Variants in PPM1G observed in about 807,000 individuals in gnomAD.
PPM1G encodes protein phosphatase, Mg2+/Mn2+ dependent 1G.
PPM1G carries 12 observed loss-of-function variants against 59.4 expected under a neutral mutation model. The ratio of observed to expected loss-of-function variants is 0.20; its 90% CI spans 0.13 to 0.33. The LOEUF (loss-of-function observed/expected upper bound fraction) is 0.33. PPM1G is among the 10% of genes least tolerant of loss of function. The pLI is 1.00. For missense variants in PPM1G, 392 were observed against 681.3 expected (o/e 0.58, Z 4.73); for synonymous variants, 245 against 251.9 (o/e 0.97, Z 0.26).
At chr2:27,395,122 T>G (rs1293434947) in intron 1 of PPM1G, among the ~76,000 whole-genome samples, 1 of 128,558 alleles carries the variant, frequency 7.8e-6, no homozygotes, top group African/African-American at 3.5e-5. Context: ...TCCCAGCTAC[T>G]TGGGAGGCTG....
chr2:27,389,031 G>C (rs1399765559), intron 1 of PPM1G, among the ~76,000 whole-genome samples: 1 of 152,006 alleles, frequency 6.6e-6, no homozygotes, highest in Non-Finnish European at 1.5e-5. Flanking sequence ...TTCTGAATAA[G>C]GACAACAAAC....
In PPM1G at chr2:27,382,026, T is replaced by C; in HGVS notation, c.1434+100A>G. On this transcript the variant is annotated intron_variant, in intron 9 of 9. Transcript: ENST00000344034. The surrounding 1 kb of genome is among the most constrained non-coding windows in gnomAD (Gnocchi z 4.2). ...GTCGGGGTTTAGCGTCTGTCAGCAATTACTGATAATGCTCCCAGATTGCCG... is the reference window on the plus strand; with the variant it reads ...GTCGGGGTTTAGCGTCTGTCAGCAACTACTGATAATGCTCCCAGATTGCCG... 8.1e-7 allele frequency: 1 copy of C among 1,238,738 alleles called. No homozygotes were observed. Among genetic ancestry groups the C allele is most frequent in the South Asian group, 1.2e-5 (1 of 80,076 alleles). The allele number at this position is 1,238,738 out of a possible 1,614,324, so 76.7% of individuals were successfully genotyped here. A position where few individuals can be genotyped will look rare whatever the true frequency, so the allele number is the denominator to read the frequency against.
chr2:27,383,836 T>G lies in PPM1G; in HGVS notation c.966+116A>C. ...ATTCCCCTTGCAGAATAAATCCCCA[T>G]GACTATTACTTCCATCCTAAAGTAT... On this transcript the variant is annotated intron_variant, in intron 6 of 9. Transcript: ENST00000344034. The surrounding 1 kb of genome is among the most constrained non-coding windows in gnomAD (Gnocchi z 5.0). The G allele has an allele frequency of 2.1e-6, 3 of 1,443,314 alleles. No individual in the cohort carries two copies. Among genetic ancestry groups the G allele is most frequent in the Non-Finnish European group, 2.8e-6 (3 of 1,072,876 alleles). The allele number at this position is 1,443,314 out of a possible 1,614,324, so 89.4% of individuals were successfully genotyped here. A position where few individuals can be genotyped will look rare whatever the true frequency, so the allele number is the denominator to read the frequency against.
chr2:27,400,891 G>C (rs1684164831), intron 1 of PPM1G, among the ~76,000 whole-genome samples: 2 of 152,190 alleles, frequency 1.3e-5, no homozygotes, highest in South Asian at 4.1e-4. Flanking sequence ...ACTGGAGCCT[G>C]AACCATCCTG....
chr2:27,387,801 TTTA>T (rs1417712283), intron 1 of PPM1G, among the ~76,000 whole-genome samples: 2 of 151,890 alleles, frequency 1.3e-5, no homozygotes, highest in Non-Finnish European at 2.9e-5. Context: ...TATTTATTTA[TTTA>T]TTATTATTTT....
chr2:27,408,914 T>C (rs1663444226), intron 1 of PPM1G, among the ~76,000 whole-genome samples: 2 of 152,218 alleles, frequency 1.3e-5, no homozygotes, highest in Non-Finnish European at 2.9e-5. Context: ...TTCACATCTA[T>C]TCACCTCTCC....
chr2:27,402,314 T>C (rs892436301), intron 1 of PPM1G, among the ~76,000 whole-genome samples: 1 of 152,212 alleles, frequency 6.6e-6, no homozygotes. Context: ...TATGTTCAAA[T>C]TCAAGCCCTT....
chr2:27,393,058 T>G, intron 1 of PPM1G: 1 of 1,301,182 alleles, frequency 7.7e-7, no homozygotes, highest in Non-Finnish European at 1.1e-6. Context: ...ATGTAATCCA[T>G]CGCATTCAGC....
intron 1 of PPM1G, among the ~76,000 whole-genome samples, chr2:27,396,392 A>G (rs1684054586): frequency 6.6e-6 from 1 of 152,212 alleles, no homozygotes; most frequent in Non-Finnish European, 1.5e-5. Context: ...GCTGTTTGCC[A>G]TGAGCTGGGG....
intron 1 of PPM1G, among the ~76,000 whole-genome samples, chr2:27,397,413 TGA>T (rs2148425077): frequency 2.0e-5 from 3 of 152,208 alleles, no homozygotes; most frequent in African/African-American, 7.2e-5. Context: ...ATATCTCTTA[TGA>T]ATATAGACAC....
At chr2:27,403,954 T>C (rs1684241605) in intron 1 of PPM1G, among the ~76,000 whole-genome samples, 1 of 152,080 alleles carries the variant, frequency 6.6e-6, no homozygotes, top group African/African-American at 2.4e-5. Context: ...GCTATTGATA[T>C]GAGATGCTAA....
At chr2:27,392,852 GC>G (rs1194663817) in intron 1 of PPM1G, 3 of 1,475,890 alleles carry the variant, frequency 2.0e-6, no homozygotes, top group Non-Finnish European at 2.8e-6. Flanking sequence ...CCAGATTCGG[GC>G]GCTCCCATCT....
chr2:27,399,468 T>C (rs1011797781), intron 1 of PPM1G, among the ~76,000 whole-genome samples: 79 of 151,792 alleles, frequency 5.2e-4, no homozygotes, highest in Admixed American at 2.0e-3. Context: ...AGGTCAGGAG[T>C]TCGACACCAG....
chr2:27,392,611 T>G (rs188487406), intron 1 of PPM1G, among the ~76,000 whole-genome samples: 1,767 of 102,572 alleles, frequency 0.017, 45 homozygotes, highest in African/African-American at 0.05. Flanking sequence ...ATTTTTTTTT[T>G]GGGGGGGGGG....
In PPM1G at chr2:27,402,616, T is replaced by C. The variant is rs1684206610; in HGVS notation, c.120+6687A>G. Among the ~76,000 whole-genome samples the C allele has an allele frequency of 2.0e-5, 3 of 151,820 alleles. No homozygotes were observed. In the South Asian group the frequency reaches 6.2e-4, roughly 32 times the overall value. ...GGTCAGGAATCGAGACCATCCTGGC[T>C]AACATGGTGAAACCCCGCCTCTACT... On this transcript the variant is annotated intron_variant, in intron 1 of 9. Transcript: ENST00000344034.
intron 1 of PPM1G, chr2:27,392,805 TC>T: frequency 6.7e-6 from 10 of 1,490,222 alleles, no homozygotes; most frequent in Non-Finnish European, 9.2e-6. Flanking sequence ...TATCACTGTC[TC>T]CCAGGGTGTG....
Position 27,384,539 on chromosome 2 carries a change from T to C in PPM1G, c.825+134A>G. ...TGATGGAGCTCAATGAATTCAAGAC[T>C]AAAGCTTAGAATACAGTGGGTCTTG... On this transcript the variant is annotated intron_variant, in intron 5 of 9. Transcript: ENST00000344034. This position sits in a 1 kb window ranked among gnomAD's most constrained non-coding sequence, Gnocchi z 4.8. 1 of 1,145,964 alleles carries C rather than the reference T, an allele frequency of 8.7e-7. No individual in the cohort carries two copies. Among genetic ancestry groups the C allele is most frequent in the Non-Finnish European group, 1.2e-6 (1 of 811,398 alleles). The allele number at this position is 1,145,964 out of a possible 1,614,324, so 71.0% of individuals were successfully genotyped here. A position where few individuals can be genotyped will look rare whatever the true frequency, so the allele number is the denominator to read the frequency against.
In PPM1G at chr2:27,383,351, T is replaced by A; in HGVS notation, c.1201+15A>T. On this transcript the variant is annotated intron_variant, in intron 7 of 9. Coordinates refer to ENST00000344034, the MANE Select transcript of PPM1G (RefSeq NM_177983.3). This position sits in a 1 kb window ranked among gnomAD's most constrained non-coding sequence, Gnocchi z 5.0. ...GAAAGACCCTAGAAGTCTTTCCCAG[T>A]TTCTTGGCCCTTACCAATGGCTCTG... The A allele has an allele frequency of 6.2e-7, 1 of 1,609,134 alleles. No individual in the cohort carries two copies. The highest frequency in any genetic ancestry group is 8.5e-7 in the Non-Finnish European group (1 of 1,175,650).
chr2:27,397,487 T>C (rs544208371), intron 1 of PPM1G, among the ~76,000 whole-genome samples: 111 of 152,110 alleles, frequency 7.3e-4, no homozygotes, highest in Non-Finnish European at 1.1e-3. Context: ...ATAATACACA[T>C]TGATCAAATA....
Sources: allele counts gnomAD v4.1 joint callset (sites outside exome capture counted in the v4.1 genomes callset), GRCh38; gene constraint gnomAD v4.1.1; non-coding constraint Gnocchi (gnomAD v3.1); transcripts MANE v1.5; gene names NCBI Gene and HGNC (gene_info 2026-07-23, HGNC 2026-07-21).